ARHGAP20: variants seen among roughly 807,000 people sequenced by gnomAD.
ARHGAP20 encodes the protein rho GTPase-activating protein 20.
ARHGAP20 carries 34 observed loss-of-function variants against 73.7 expected under a neutral mutation model. That is an observed-to-expected ratio of 0.46 (90% CI 0.35 to 0.61). ARHGAP20 has a LOEUF of 0.61. Ranked by LOEUF, ARHGAP20 falls within the 20% of genes least tolerant of loss-of-function variation. The pLI is 0.00. For synonymous variants in ARHGAP20, 523 were observed against 518.2 expected (o/e 1.01, Z -0.13); for missense variants, 1,314 against 1,420.9 (o/e 0.92, Z 1.21).
intron 11 of ARHGAP20, chr11:110,589,407 A>G (rs907957740): frequency 8.1e-6 from 8 of 985,090 alleles, no homozygotes; most frequent in Non-Finnish European, 9.6e-6. Flanking sequence ...TCATGAAGTA[A>G]CATTCTGTAA....
chr11:110,658,788 G>T (rs926526059), intron 2 of ARHGAP20, among the ~76,000 whole-genome samples: 2 of 151,754 alleles, frequency 1.3e-5, no homozygotes, highest in African/African-American at 4.8e-5. Context: ...TTATTGTTTT[G>T]TTTTCATGTC....
chr11:110,611,482 T>C, intron 6 of ARHGAP20, 96 bp from the exon 7 acceptor site: 1 of 599,280 alleles, frequency 1.7e-6, no homozygotes, highest in Non-Finnish European at 2.7e-6. Flanking sequence ...AAGGCAAATA[T>C]TGATTTCAAA....
chr11:110,687,744 GA>G (rs1247059029), intron 2 of ARHGAP20, among the ~76,000 whole-genome samples: 3 of 151,734 alleles, frequency 2.0e-5, no homozygotes, highest in East Asian at 1.9e-4. Flanking sequence ...GTAACATAAA[GA>G]AAAAAATGAA....
At chr11:110,645,136 G>A (rs1233962923) in intron 2 of ARHGAP20, among the ~76,000 whole-genome samples, 1 of 151,716 alleles carries the variant, frequency 6.6e-6, no homozygotes, top group Non-Finnish European at 1.5e-5. Flanking sequence ...TAGCCTCCCG[G>A]GTAGCTGGGA....
intron 12 of ARHGAP20, 27 bp downstream of exon 12, chr11:110,586,189 G>C: frequency 8.3e-7 from 1 of 1,206,902 alleles, no homozygotes; most frequent in Non-Finnish European, 1.1e-6. Context: ...AAGTATTTTT[G>C]AGACATGACC....
chr11:110,694,810 T>C (rs1244460627), intron 1 of ARHGAP20, among the ~76,000 whole-genome samples: 1 of 151,636 alleles, frequency 6.6e-6, no homozygotes, highest in East Asian at 1.9e-4. Flanking sequence ...CCCGGTATAA[T>C]GCCTGGCACA....
intron 1 of ARHGAP20, among the ~76,000 whole-genome samples, chr11:110,699,875 C>T (rs34439914): frequency 0.15 from 22,699 of 151,918 alleles, 1,793 homozygotes; most frequent in South Asian, 0.29. Flanking sequence ...AATGAATTAA[C>T]ATATCCAATA....
chr11:110,589,536 C>T, intron 11 of ARHGAP20: 3 of 985,468 alleles, frequency 3.0e-6, no homozygotes, highest in Non-Finnish European at 3.6e-6. Context: ...CGACCCCTAG[C>T]TCTGGTGCAT....
intron 14 of ARHGAP20, 57 bp from the exon 15 acceptor site, chr11:110,581,282 C>T (rs2134779575): frequency 1.4e-6 from 2 of 1,475,092 alleles, no homozygotes; most frequent in Non-Finnish European, 1.8e-6. Context: ...TATACTCATG[C>T]TTCCTTAAGA....
At chr11:110,661,109 G>T (rs755982727) in intron 2 of ARHGAP20, among the ~76,000 whole-genome samples, 22 of 151,872 alleles carry the variant, frequency 1.4e-4, no homozygotes, top group Non-Finnish European at 2.4e-4. Flanking sequence ...GTTTGCTGGG[G>T]GTTAAAAAAT....
intron 2 of ARHGAP20, among the ~76,000 whole-genome samples, chr11:110,657,938 GGAAGGA>G (rs1949506363): frequency 6.7e-6 from 1 of 148,172 alleles, no homozygotes; most frequent in Admixed American, 6.8e-5. Context: ...AAGGAAGGAA[GGAAGGA>G]AGGAAGGAAG....
chr11:110,690,525 T>C lies in ARHGAP20; in HGVS notation c.188+22A>G, dbSNP rs372359777. 25 of 1,598,150 alleles carry C rather than the reference T, an allele frequency of 1.6e-5. No individual in the cohort carries two copies. In the African/African-American group the frequency reaches 3.1e-4, roughly 20 times the overall value. On this transcript the variant is annotated intron_variant, in intron 2 of 14. Transcript: ENST00000683387. Reference sequence around the variant, plus strand: ...AACTTCCAAGCACATACTGAATGTGTAATACAAAGCTTTGCACTTACCTGG... The same window carrying C: ...AACTTCCAAGCACATACTGAATGTGCAATACAAAGCTTTGCACTTACCTGG...
intron 2 of ARHGAP20, among the ~76,000 whole-genome samples, chr11:110,652,343 C>G (rs1270956489): frequency 6.6e-6 from 1 of 152,132 alleles, no homozygotes; most frequent in African/African-American, 2.4e-5. Context: ...ATGATATGCT[C>G]TCTCTCCAGT....
intron 2 of ARHGAP20, among the ~76,000 whole-genome samples, chr11:110,659,385 TC>T (rs1949547504): frequency 1.3e-5 from 2 of 149,984 alleles, no homozygotes; most frequent in South Asian, 4.3e-4. Flanking sequence ...TTCATATCCT[TC>T]GCCCACTTTT....
intron 2 of ARHGAP20, 74 bp from the exon 3 acceptor site, chr11:110,630,866 A>T: frequency 1.4e-6 from 2 of 1,473,420 alleles, no homozygotes; most frequent in Admixed American, 2.1e-5. Flanking sequence ...AAATTCTGTA[A>T]TTTTTTTTAA....
At chr11:110,644,532 G>C (rs114976342) in intron 2 of ARHGAP20, among the ~76,000 whole-genome samples, 8 of 151,846 alleles carry the variant, frequency 5.3e-5, no homozygotes, top group African/African-American at 1.9e-4. Flanking sequence ...CTTTGACACA[G>C]GCAATAAAAA....
intron 9 of ARHGAP20, among the ~76,000 whole-genome samples, 186 bp from the exon 10 acceptor site, chr11:110,592,341 G>T (rs1422386916): frequency 6.6e-6 from 1 of 152,174 alleles, no homozygotes; most frequent in East Asian, 1.9e-4. Flanking sequence ...AATGAAAGAT[G>T]AATCAATGAA....
intron 1 of ARHGAP20, among the ~76,000 whole-genome samples, chr11:110,693,953 G>A (rs1950289503): frequency 6.6e-6 from 1 of 151,800 alleles, no homozygotes; most frequent in Non-Finnish European, 1.5e-5. Flanking sequence ...TTTATAACTA[G>A]ATGACTTCAT....
chr11:110,630,101 A>C (rs1387801296), intron 3 of ARHGAP20, among the ~76,000 whole-genome samples: 1 of 151,900 alleles, frequency 6.6e-6, no homozygotes, highest in Non-Finnish European at 1.5e-5. Context: ...GCCTTCTTTT[A>C]ATTCCTCCAA....
Sources: allele counts gnomAD v4.1 joint callset (sites outside exome capture counted in the v4.1 genomes callset), GRCh38; gene constraint gnomAD v4.1.1; transcripts MANE v1.5; gene names NCBI Gene and HGNC (gene_info 2026-07-23, HGNC 2026-07-21).